Variants in TBC1D5 observed in about 807,000 individuals in gnomAD.
TBC1D5 encodes the protein TBC1 domain family, member 5.
Under a neutral mutation model 100.3 loss-of-function variants are expected in TBC1D5, and 75 were observed. The observed-to-expected ratio is 0.75, with a 90% confidence interval of 0.62 to 0.91. TBC1D5 has a LOEUF of 0.91. TBC1D5 is among the 40% of genes least tolerant of loss of function. TBC1D5 has a pLI of 0.00. For missense variants in TBC1D5, 910 were observed against 942.4 expected, an observed-to-expected ratio of 0.97 and a Z score of 0.45; for synonymous variants, 323 against 325.6, an observed-to-expected ratio of 0.99 and a Z score of 0.09.
chr3:17,523,433 A>C (rs1296607766), intron 2 of TBC1D5, among the ~76,000 whole-genome samples: 1 of 152,188 alleles, frequency 6.6e-6, no homozygotes, highest in Non-Finnish European at 1.5e-5. Context: ...CTAACTCTGA[A>C]AGGTCAAGGG....
At chr3:17,647,521 G>A (rs189037080) in intron 1 of TBC1D5, among the ~76,000 whole-genome samples, 42 of 152,062 alleles carry the variant, frequency 2.8e-4, no homozygotes, top group African/African-American at 9.9e-4. Flanking sequence ...GATAGTGGGG[G>A]AAAAATTTCT....
At chr3:17,388,529 T>C (rs1314589126) in intron 8 of TBC1D5, among the ~76,000 whole-genome samples, 2 of 151,842 alleles carry the variant, frequency 1.3e-5, no homozygotes, top group Admixed American at 6.6e-5. Flanking sequence ...GCAATGTGTA[T>C]CTCTAAAAGA....
chr3:17,727,495 C>G (rs1035663637), intron 1 of TBC1D5, among the ~76,000 whole-genome samples: 6 of 152,058 alleles, frequency 3.9e-5, no homozygotes, highest in Non-Finnish European at 8.8e-5. Context: ...GAAACAGAGT[C>G]ATAAGAAACA....
chr3:17,697,429 G>A (rs1055325604), intron 1 of TBC1D5, among the ~76,000 whole-genome samples: 26 of 152,052 alleles, frequency 1.7e-4, no homozygotes, highest in African/African-American at 6.0e-4. Context: ...AAATCAATGT[G>A]AAAAAATCAC....
intron 3 of TBC1D5, among the ~76,000 whole-genome samples, chr3:17,448,565 G>C (rs2094852068): frequency 6.6e-6 from 1 of 152,174 alleles, no homozygotes; most frequent in Non-Finnish European, 1.5e-5. Flanking sequence ...ATGCCGTGTT[G>C]GCAGGCATGA....
At chr3:17,418,178 CT>C (rs776713000) in intron 4 of TBC1D5, among the ~76,000 whole-genome samples, 41 of 152,080 alleles carry the variant, frequency 2.7e-4, no homozygotes, top group Non-Finnish European at 5.3e-4. Context: ...TCCATAGCAG[CT>C]TTATTGATTT....
chr3:17,725,422 T>G (rs2076042158), intron 1 of TBC1D5, among the ~76,000 whole-genome samples: 1 of 152,122 alleles, frequency 6.6e-6, no homozygotes, highest in Admixed American at 6.6e-5. Context: ...AGGCAACTTT[T>G]CTTGCAGCCT....
chr3:17,272,717 G>A (rs1037470459), intron 15 of TBC1D5, among the ~76,000 whole-genome samples: 2 of 152,068 alleles, frequency 1.3e-5, no homozygotes, highest in African/African-American at 4.8e-5. Flanking sequence ...ATACCATAAG[G>A]GTTCATGAAA....
At chr3:17,710,620 CTTG>C (rs2074622321) in intron 1 of TBC1D5, among the ~76,000 whole-genome samples, 1 of 151,554 alleles carries the variant, frequency 6.6e-6, no homozygotes, top group East Asian at 1.9e-4. Flanking sequence ...ATAGAATGAA[CTTG>C]TTGAACGACT....
rs2094128991 is a variant in TBC1D5 at position 17,418,181 on chromosome 3, TATTG to T, written c.167+10265_167+10268del. On this transcript the variant is annotated intron_variant, in intron 4 of 21. Transcript: ENST00000253692. ...GTTATTTTTTATTCCATAGCAGCTT[TATTG>T]ATTTTCTTCATATTTCTAGGTACAT... is the stretch of plus-strand genomic sequence containing the variant. 8.5e-5 allele frequency among the ~76,000 whole-genome samples: 13 copies of T among 152,336 alleles called. 1 individual carries two copies. The South Asian group carries it at 2.5e-3, about 29-fold the overall frequency.
chr3:17,727,611 C>T (rs1331241664), intron 1 of TBC1D5, among the ~76,000 whole-genome samples: 1 of 152,120 alleles, frequency 6.6e-6, no homozygotes, highest in Non-Finnish European at 1.5e-5. Context: ...TAGAAAAACA[C>T]AAATTACCAA....
At chr3:17,642,750 C>T (rs1446468318) in intron 1 of TBC1D5, among the ~76,000 whole-genome samples, 1 of 152,102 alleles carries the variant, frequency 6.6e-6, no homozygotes, top group Non-Finnish European at 1.5e-5. Context: ...ATTACTAAAA[C>T]TAAGACATTT....
chr3:17,180,257 T>C (rs1205512047), intron 19 of TBC1D5, among the ~76,000 whole-genome samples: 1 of 152,256 alleles, frequency 6.6e-6, no homozygotes, highest in South Asian at 2.1e-4. Flanking sequence ...TTTGGTAGTT[T>C]TGGCAACACA....
chr3:17,697,217 C>T (rs1265399307), intron 1 of TBC1D5, among the ~76,000 whole-genome samples: 1 of 152,202 alleles, frequency 6.6e-6, no homozygotes, highest in African/African-American at 2.4e-5. Flanking sequence ...CCCTCTCTCA[C>T]CACTCGTATT....
chr3:17,616,093 G>C (rs1387484041), intron 2 of TBC1D5, among the ~76,000 whole-genome samples: 5 of 152,144 alleles, frequency 3.3e-5, no homozygotes, highest in Non-Finnish European at 7.3e-5. Flanking sequence ...TTGTGTCTTT[G>C]TTCTCATTGG....
At chr3:17,486,063 G>A (rs1170620723) in intron 3 of TBC1D5, among the ~76,000 whole-genome samples, 30 of 151,896 alleles carry the variant, frequency 2.0e-4, no homozygotes, top group Non-Finnish European at 2.7e-4. Context: ...ATCTCATTGT[G>A]GTTTTGATTT....
chr3:17,563,459 G>C (rs989618362), intron 2 of TBC1D5, among the ~76,000 whole-genome samples: 2 of 152,004 alleles, frequency 1.3e-5, no homozygotes, highest in African/African-American at 4.8e-5. Context: ...AAATCAGGAA[G>C]GTATAATATC....
chr3:17,666,767 C>T (rs533648227), intron 1 of TBC1D5, among the ~76,000 whole-genome samples: 6 of 152,100 alleles, frequency 3.9e-5, no homozygotes, highest in Middle Eastern at 3.4e-3. Context: ...TAAGAACCAA[C>T]GGTTCTCTCA....
chr3:17,406,363 G>T, intron 5 of TBC1D5, 55 bp downstream of exon 5: 2 of 1,481,520 alleles, frequency 1.3e-6, no homozygotes, highest in Non-Finnish European at 9.2e-7. Context: ...CAGGGCATCA[G>T]GTAATGTGTT....
Sources: gnomAD v4.1 joint callset for allele counts (sites outside exome capture counted in the v4.1 genomes callset) on GRCh38, gnomAD v4.1.1 for gene constraint, MANE v1.5 for transcripts, NCBI Gene and HGNC (gene_info 2026-07-23, HGNC 2026-07-21) for gene names.